The following UMAD1 variants were observed in gnomAD, a reference collection of about 807,000 sequenced individuals.
The protein encoded by UMAD1 is UBAP1-MVB12-associated (UMA) domain containing 1, also known as UBAP1-MVB12-associated (UMA)-domain containing protein 1.
Under a neutral mutation model 6.1 loss-of-function variants are expected in UMAD1, and 8 were observed. The observed-to-expected ratio is 1.30, with a 90% CI of 0.76 to 2.35. The LOEUF (loss-of-function observed/expected upper bound fraction) is 2.35, where lower values mean the gene tolerates loss of function less well. Ranked by LOEUF, UMAD1 falls within the 30% of genes most tolerant of loss-of-function variation. UMAD1 has a pLI of 0.00. For missense variants in UMAD1, 130 were observed against 78.4 expected, an observed-to-expected ratio of 1.66 and a Z score of -2.49; for synonymous variants, 56 against 31.4, an observed-to-expected ratio of 1.78 and a Z score of -2.61.
intron 2 of UMAD1, among the ~76,000 whole-genome samples, chr7:7,708,595 TATTTG>T (rs1780668385): frequency 6.6e-6 from 1 of 152,214 alleles, no homozygotes; most frequent in Non-Finnish European, 1.5e-5. Context: ...TAAGTCAACA[TATTTG>T]TCCTTTTGGG....
intron 2 of UMAD1, among the ~76,000 whole-genome samples, chr7:7,726,198 C>T (rs1230449543): frequency 2.6e-5 from 4 of 152,254 alleles, no homozygotes; most frequent in Non-Finnish European, 5.9e-5. Flanking sequence ...TATTTGTATC[C>T]CATGTGAGTG....
At chr7:7,670,541 GTC>G (rs1779579924) in intron 1 of UMAD1, among the ~76,000 whole-genome samples, 2 of 152,134 alleles carry the variant, frequency 1.3e-5, no homozygotes, top group South Asian at 2.1e-4. Flanking sequence ...ATTCAGATCT[GTC>G]TCTCTACTAC....
chr7:7,766,829 A>G (rs1781993647), intron 2 of UMAD1, among the ~76,000 whole-genome samples: 1 of 152,204 alleles, frequency 6.6e-6, no homozygotes, highest in Non-Finnish European at 1.5e-5. Context: ...TTGAAATATT[A>G]AGATCCTGCC....
chr7:7,793,926 A>G (rs1399688676), intron 2 of UMAD1, among the ~76,000 whole-genome samples: 1 of 152,250 alleles, frequency 6.6e-6, no homozygotes, highest in Admixed American at 6.5e-5. Flanking sequence ...AAATGGCTCC[A>G]CAGTCAAATA....
At chr7:7,809,164 T>A (rs995894354) in intron 3 of UMAD1, among the ~76,000 whole-genome samples, 1 of 151,974 alleles carries the variant, frequency 6.6e-6, no homozygotes, top group Non-Finnish European at 1.5e-5. Flanking sequence ...CTAAAATTGT[T>A]AGGGGCATGA....
intron 2 of UMAD1, among the ~76,000 whole-genome samples, chr7:7,773,295 A>G (rs1782137664): frequency 6.6e-6 from 1 of 152,230 alleles, no homozygotes; most frequent in Admixed American, 6.5e-5. Flanking sequence ...CTGTTAGGGT[A>G]TTAGCTTTTT....
At chr7:7,778,226 T>TTGTGTGTGTGTGTGTGTGTG (rs61647575) in intron 2 of UMAD1, among the ~76,000 whole-genome samples, 1 of 126,398 alleles carries the variant, frequency 7.9e-6, no homozygotes. Context: ...AAAACTGGTT[T>TTGTGTGTGTGTGTGTGTGTG]TGTGTGTGTG....
intron 1 of UMAD1, among the ~76,000 whole-genome samples, chr7:7,647,120 A>T (rs1009751119): frequency 3.8e-4 from 58 of 152,194 alleles, no homozygotes; most frequent in African/African-American, 1.2e-3. Context: ...GTTCACCTAT[A>T]AAACCTTTTA....
At chr7:7,676,462 C>T (rs117893829) in intron 2 of UMAD1, among the ~76,000 whole-genome samples, 7 of 152,230 alleles carry the variant, frequency 4.6e-5, no homozygotes, top group African/African-American at 1.7e-4. Flanking sequence ...TCCTCTAAAC[C>T]ACTGAACTAT....
At chr7:7,806,797 T>A (rs1196344696) in intron 3 of UMAD1, among the ~76,000 whole-genome samples, 1 of 152,206 alleles carries the variant, frequency 6.6e-6, no homozygotes, top group African/African-American at 2.4e-5. Flanking sequence ...CTGGAAAGCC[T>A]CTAATTATTT....
chr7:7,737,688 A>G (rs1369713714), intron 2 of UMAD1, among the ~76,000 whole-genome samples: 2 of 152,196 alleles, frequency 1.3e-5, no homozygotes, highest in African/African-American at 4.8e-5. Context: ...AATTGTGCTT[A>G]TATTTTCACC....
intron 2 of UMAD1, among the ~76,000 whole-genome samples, chr7:7,716,566 T>C (rs896093535): frequency 6.6e-6 from 1 of 152,236 alleles, no homozygotes; most frequent in Non-Finnish European, 1.5e-5. Flanking sequence ...ACCTTCCCTT[T>C]TCTTTGTCAC....
At chr7:7,702,851 C>T (rs149978302) in intron 2 of UMAD1, among the ~76,000 whole-genome samples, 30 of 152,204 alleles carry the variant, frequency 2.0e-4, no homozygotes, top group African/African-American at 7.2e-4. Flanking sequence ...ACAAGTCAAC[C>T]AGTTTGTTTG....
intron 2 of UMAD1, 32 bp downstream of exon 2, chr7:7,673,485 T>TC: frequency 1.4e-6 from 1 of 724,206 alleles, no homozygotes; most frequent in Non-Finnish European, 2.5e-6. Context: ...AATAATTAGA[T>TC]GAATTATGTT....
chr7:7,766,109 C>T (rs1781981258), intron 2 of UMAD1, among the ~76,000 whole-genome samples: 1 of 152,138 alleles, frequency 6.6e-6, no homozygotes, highest in South Asian at 2.1e-4. Context: ...CAGTTTCCTT[C>T]TTTTAATGTT....
chr7:7,822,178 T>G (rs188677104), intron 3 of UMAD1, among the ~76,000 whole-genome samples: 1 of 152,216 alleles, frequency 6.6e-6, no homozygotes, highest in African/African-American at 2.4e-5. Flanking sequence ...AAATTTTTGA[T>G]GTATGTATTG....
intron 2 of UMAD1, among the ~76,000 whole-genome samples, chr7:7,741,605 T>C (rs980542699): frequency 6.8e-6 from 1 of 147,350 alleles, no homozygotes; most frequent in African/African-American, 2.5e-5. Context: ...ATAATAATAA[T>C]AATAATAATA....
intron 2 of UMAD1, among the ~76,000 whole-genome samples, chr7:7,792,224 T>C (rs1023064733): frequency 6.6e-6 from 1 of 152,252 alleles, no homozygotes; most frequent in African/African-American, 2.4e-5. Flanking sequence ...CCCTTTCCTA[T>C]ATTTGTTTGC....
chr7:7,715,146 A>G (rs1219037717), intron 2 of UMAD1: 1 of 152,226 alleles, frequency 6.6e-6, no homozygotes, highest in Non-Finnish European at 1.5e-5. Flanking sequence ...CACCTTCAGC[A>G]TAGAAACAGT....
Sources: allele counts gnomAD v4.1 joint callset (sites outside exome capture counted in the v4.1 genomes callset), GRCh38; gene constraint gnomAD v4.1.1; transcripts MANE v1.5; gene names NCBI Gene and HGNC (gene_info 2026-07-23, HGNC 2026-07-21).